The following SMOC2 variants were observed in gnomAD, a reference collection of about 807,000 sequenced individuals.
SMOC2 encodes SPARC related modular calcium binding 2.
A neutral mutation model predicts 61.4 loss-of-function variants in SMOC2; 39 were observed. That is an observed-to-expected ratio of 0.64 (90% CI 0.49 to 0.83). The LOEUF (loss-of-function observed/expected upper bound fraction) is 0.83. SMOC2 is among the 40% of genes least tolerant of loss of function. The pLI is 0.00. For missense variants in SMOC2, 556 were observed against 592.9 expected, an observed-to-expected ratio of 0.94 and a Z score of 0.65; for synonymous variants, 247 against 239.9, an observed-to-expected ratio of 1.03 and a Z score of -0.27.
At chr6:168,532,518 G>T (rs952227557) in intron 4 of SMOC2, among the ~76,000 whole-genome samples, 1 of 135,276 alleles carries the variant, frequency 7.4e-6, no homozygotes, top group African/African-American at 2.5e-5. Flanking sequence ...GCCAAGAGAG[G>T]GTGTTTGCAA....
Position 168,600,415 on chromosome 6 carries a change from AAAAAAAC to A in SMOC2, c.824+1418_824+1424del, listed in dbSNP as rs1422380516. On this transcript the variant is annotated intron_variant, in intron 8 of 12. Coordinates refer to ENST00000356284, the MANE Select transcript of SMOC2 (RefSeq NM_001166412.2). ...AGAGCGAAACTCTGCCTCAAAAAAA[AAAAAAAC>A]AAAAAAAAAAACAAAAAAAAAAACA... Among the ~76,000 whole-genome samples, 22 of 23,458 alleles carry A rather than the reference AAAAAAAC, an allele frequency of 9.4e-4. 2 individuals carry two copies. The highest frequency in any genetic ancestry group is 0.025 in the Middle Eastern group (1 of 40). The allele number at this position is 23,458 out of a possible 152,430, so 15.4% of individuals were successfully genotyped here. A position where few individuals can be genotyped will look rare whatever the true frequency, so the allele number is the denominator to read the frequency against.
intron 9 of SMOC2, among the ~76,000 whole-genome samples, chr6:168,616,017 T>A (rs191965861): frequency 0.011 from 1,635 of 152,320 alleles, 13 homozygotes; most frequent in Non-Finnish European, 0.016. Flanking sequence ...CCAGGTATCA[T>A]GTGACATGTA....
intron 7 of SMOC2, among the ~76,000 whole-genome samples, chr6:168,584,154 G>C (rs1207790583): frequency 6.6e-6 from 1 of 152,208 alleles, no homozygotes; most frequent in East Asian, 1.9e-4. Flanking sequence ...AGTTCACCCA[G>C]GAAGCTGAGA....
chr6:168,516,579 C>T (rs1052063973), intron 2 of SMOC2, among the ~76,000 whole-genome samples: 1 of 152,172 alleles, frequency 6.6e-6, no homozygotes, highest in South Asian at 2.1e-4. Flanking sequence ...TGCACAATGA[C>T]CTCAACAGCC....
In SMOC2 at chr6:168,599,094, A is replaced by G; in HGVS notation, c.824+90A>G. The G allele has an allele frequency of 5.2e-6, 6 of 1,150,310 alleles. No homozygotes were observed. The South Asian group carries it at 9.1e-5, about 17-fold the overall frequency. The allele number at this position is 1,150,310 out of a possible 1,614,324, so 71.3% of individuals were successfully genotyped here. ...GCAGAACCCCCACTTCCCCCAACAC[A>G]CACCGACACACAGTCACACACACAC... is the stretch of plus-strand genomic sequence containing the variant. On this transcript the variant is annotated intron_variant, in intron 8 of 12. Transcript: ENST00000356284.
At chr6:168,575,983 C>A (rs1184925504) in intron 7 of SMOC2, among the ~76,000 whole-genome samples, 1 of 152,054 alleles carries the variant, frequency 6.6e-6, no homozygotes, top group Non-Finnish European at 1.5e-5. Context: ...CGCCATGAGA[C>A]ACAGAGGCAG....
intron 1 of SMOC2, among the ~76,000 whole-genome samples, chr6:168,474,772 T>C (rs1467420339): frequency 6.6e-6 from 1 of 152,104 alleles, no homozygotes; most frequent in East Asian, 1.9e-4. Flanking sequence ...ACGACAGTTA[T>C]TGCTGCTGAT....
intron 1 of SMOC2, among the ~76,000 whole-genome samples, chr6:168,501,136 T>C (rs958916442): frequency 6.6e-6 from 1 of 152,208 alleles, no homozygotes; most frequent in African/African-American, 2.4e-5. Context: ...ATTGCATTAA[T>C]GTAACACCAT....
chr6:168,549,571 T>C (rs1784083398), intron 7 of SMOC2, among the ~76,000 whole-genome samples: 1 of 152,196 alleles, frequency 6.6e-6, no homozygotes, highest in Admixed American at 6.5e-5. Context: ...GTTCTCCTCA[T>C]CGTCTTCACG....
At chr6:168,549,026 T>A in intron 6 of SMOC2, 103 bp from the exon 7 acceptor site, 1 of 832,330 alleles carries the variant, frequency 1.2e-6, no homozygotes, top group South Asian at 1.4e-5. Flanking sequence ...TGTGTTATGT[T>A]GATTTATTTT....
At chr6:168,487,324 T>C (rs572262957) in intron 1 of SMOC2, among the ~76,000 whole-genome samples, 1 of 152,240 alleles carries the variant, frequency 6.6e-6, no homozygotes, top group South Asian at 2.1e-4. Context: ...TTAGTCAACT[T>C]GATTGACTAC....
intron 2 of SMOC2, among the ~76,000 whole-genome samples, chr6:168,522,727 C>T (rs1783357764): frequency 6.6e-6 from 1 of 151,968 alleles, no homozygotes; most frequent in South Asian, 2.1e-4. Flanking sequence ...CATTGATGTA[C>T]CATCTCTGGT....
chr6:168,502,887 C>T (rs1387304490), intron 1 of SMOC2, among the ~76,000 whole-genome samples: 1 of 151,754 alleles, frequency 6.6e-6, no homozygotes, highest in Non-Finnish European at 1.5e-5. Context: ...CTGCCTCAGC[C>T]TCCTGAGTAG....
intron 9 of SMOC2, among the ~76,000 whole-genome samples, chr6:168,622,576 T>C (rs529428682): frequency 6.6e-6 from 1 of 152,222 alleles, no homozygotes; most frequent in South Asian, 2.1e-4. Flanking sequence ...CTAGAGTCCA[T>C]GTGTGCTCGG....
chr6:168,659,074 T>TGTG (rs34609802), intron 11 of SMOC2, among the ~76,000 whole-genome samples: 138,118 of 150,500 alleles, frequency 0.92, 63,556 homozygotes, highest in Middle Eastern at 0.96. Flanking sequence ...GTGTGAGTGG[T>TGTG]GTGTATGTAT....
At chr6:168,473,927 CAG>C (rs1489143648) in intron 1 of SMOC2, among the ~76,000 whole-genome samples, 1 of 152,092 alleles carries the variant, frequency 6.6e-6, no homozygotes, top group East Asian at 1.9e-4. Flanking sequence ...AGCCTGGAGA[CAG>C]AGTCTTGTCC....
chr6:168,476,678 C>A (rs1239706669), intron 1 of SMOC2, among the ~76,000 whole-genome samples: 1 of 151,778 alleles, frequency 6.6e-6, no homozygotes, highest in Non-Finnish European at 1.5e-5. Flanking sequence ...AATAATTTAG[C>A]CAAACTCTTA....
intron 1 of SMOC2, among the ~76,000 whole-genome samples, chr6:168,484,705 C>A (rs1352824517): frequency 1.3e-5 from 2 of 152,108 alleles, no homozygotes; most frequent in African/African-American, 4.8e-5. Context: ...AGGCCACCAG[C>A]AGATGAATAG....
intron 8 of SMOC2, among the ~76,000 whole-genome samples, chr6:168,607,043 G>A (rs1785712232): frequency 6.6e-6 from 1 of 152,100 alleles, no homozygotes; most frequent in South Asian, 2.1e-4. Flanking sequence ...CCACAGAAAG[G>A]GGCGGTGGGT....
Sources: gnomAD v4.1 joint callset for allele counts (sites outside exome capture counted in the v4.1 genomes callset) on GRCh38, gnomAD v4.1.1 for gene constraint, MANE v1.5 for transcripts, NCBI Gene and HGNC (gene_info 2026-07-23, HGNC 2026-07-21) for gene names.